NUP188: variants seen among roughly 807,000 people sequenced by gnomAD.
NUP188 encodes nucleoporin NUP188.
Under a neutral mutation model 223.0 loss-of-function variants are expected in NUP188, and 97 were observed. The observed-to-expected ratio is 0.43, with a 90% CI of 0.37 to 0.51. The LOEUF is 0.51. Among genes scored for constraint, NUP188 ranks in the 20% least tolerant of loss-of-function variants. The probability of loss-of-function intolerance (pLI) is 0.00; values close to 1 mark genes in which losing one functional copy is unlikely to be tolerated. For missense variants in NUP188, 1,947 were observed against 2,175.6 expected (o/e 0.89, Z 2.09); for synonymous variants, 869 against 828.0 (o/e 1.05, Z -0.85).
chr9:128,973,156 C>A lies in NUP188; in HGVS notation c.1114-4C>A. 6.2e-7 allele frequency: 1 copy of A among 1,604,104 alleles called. No homozygotes were observed. Among genetic ancestry groups the A allele is most frequent in the Non-Finnish European group, 8.5e-7 (1 of 1,172,330 alleles). On this transcript the variant is annotated splice_region_variant and splice_polypyrimidine_tract_variant and intron_variant, in intron 11 of 43. Transcript: ENST00000372577. ...ATGATTCACTGACTCCTTTGTCATT[C>A]CAGTGCACCACCAGCACTGCATGCA...
Position 128,970,904 on chromosome 9 carries a change from T to G in NUP188, c.1059T>G (p.Asn353Lys), listed in dbSNP as rs371132886. 14 of 1,613,964 alleles carry G rather than the reference T, an allele frequency of 8.7e-6. No homozygotes were observed. Among genetic ancestry groups the G allele is most frequent in the Non-Finnish European group, 1.0e-5 (12 of 1,180,022 alleles). The change falls in exon 11 of 44, where the codon AAT becomes AAG. Residue 353 changes from asparagine to lysine, a missense_variant. By Grantham distance (94) the Asn-to-Lys change is moderately conservative (BLOSUM62 0). Transcript: ENST00000372577. ...TAGGTGGCACAGCCATCCAGCTGAATGTGTTTCAGTACTTGACCCGATTGC... is the reference window on the plus strand; with the variant it reads ...TAGGTGGCACAGCCATCCAGCTGAAGGTGTTTCAGTACTTGACCCGATTGC... ...RKIGGTAIQL[N>K]VFQYLTRLLQ...
At chr9:128,978,581 G>T (rs1213156549) in intron 12 of NUP188, among the ~76,000 whole-genome samples, 2 of 143,124 alleles carry the variant, frequency 1.4e-5, no homozygotes, top group South Asian at 4.4e-4. Context: ...AAAAAAAAAG[G>T]TAAAAAGGAA....
At chr9:128,981,125 G>C (rs1842247788) in intron 14 of NUP188, 139 bp from the exon 15 acceptor site, 1 of 976,116 alleles carries the variant, frequency 1.0e-6, no homozygotes, top group Non-Finnish European at 1.5e-6. Flanking sequence ...TTTGGCGAGG[G>C]GCGCAGAAGG....
chr9:128,964,248 C>A, intron 8 of NUP188: 1 of 372,592 alleles, frequency 2.7e-6, no homozygotes, highest in Non-Finnish European at 5.2e-6. Flanking sequence ...GGATGTTTGT[C>A]TTATCAAATT....
At chr9:128,959,725 A>G (rs373353275) in intron 8 of NUP188, among the ~76,000 whole-genome samples, 9 of 150,062 alleles carry the variant, frequency 6.0e-5, no homozygotes, top group African/African-American at 2.0e-4. Flanking sequence ...GTAGAGATAG[A>G]GATAGGGTTT....
intron 19 of NUP188, 98 bp from the exon 20 acceptor site, chr9:128,984,802 T>C (rs1252183292): frequency 4.1e-5 from 29 of 711,510 alleles, no homozygotes; most frequent in Non-Finnish European, 4.0e-5. Flanking sequence ...CTATTTTATA[T>C]TCAAGTCATC....
At position 129,006,031 on chromosome 9, in the gene NUP188, T is replaced by C. The variant is rs1294257977; in HGVS notation, c.4870-19T>C. Reference sequence around the variant, plus strand: ...AGCTGTTCCTGTTGTCTTAGTTTTTTACCCTTGCTTCTCTTCAGCTGGACA... The same window carrying C: ...AGCTGTTCCTGTTGTCTTAGTTTTTCACCCTTGCTTCTCTTCAGCTGGACA... On this transcript the variant is annotated intron_variant, in intron 41 of 43. Transcript: ENST00000372577. The C allele has an allele frequency of 6.2e-7, 1 of 1,614,082 alleles. No homozygotes were observed.
intron 42 of NUP188, 57 bp downstream of exon 42, chr9:129,006,180 C>T (rs1044240078): frequency 1.5e-5 from 24 of 1,613,944 alleles, no homozygotes; most frequent in East Asian, 6.7e-5. Flanking sequence ...GCCCACTGTT[C>T]TCAAGCTTGG....
At chr9:128,948,540 AAG>A (rs1193963910) in intron 1 of NUP188, 2 of 151,884 alleles carry the variant, frequency 1.3e-5, no homozygotes, top group African/African-American at 2.4e-5. Context: ...CCAAGTGATA[AAG>A]AGAGCCTTCA....
At chr9:128,994,305 C>G (rs1234982678) in intron 27 of NUP188, 68 bp from the exon 28 acceptor site, 1 of 1,062,110 alleles carries the variant, frequency 9.4e-7, no homozygotes, top group African/African-American at 1.6e-5. Context: ...CCAAAGGGAG[C>G]TTGAGAGAGG....
At chr9:128,957,102 G>A (rs763366449) in intron 5 of NUP188, 70 bp downstream of exon 5, 53 of 1,101,838 alleles carry the variant, frequency 4.8e-5, no homozygotes, top group Non-Finnish European at 5.0e-5. Context: ...GATAATGTAG[G>A]ATTTTGGCAC....
intron 36 of NUP188, among the ~76,000 whole-genome samples, 178 bp from the exon 37 acceptor site, chr9:129,002,639 C>T (rs1036930741): frequency 6.6e-6 from 1 of 152,238 alleles, no homozygotes; most frequent in Non-Finnish European, 1.5e-5. Flanking sequence ...CAGCCTGGTG[C>T]TCTTTCCTTG....
intron 16 of NUP188, 44 bp from the exon 17 acceptor site, chr9:128,982,858 A>G: frequency 6.2e-7 from 1 of 1,612,340 alleles, no homozygotes; most frequent in Non-Finnish European, 8.5e-7. Flanking sequence ...AGTGATCTTA[A>G]AGGGGTTGTT....
Position 129,006,322 on chromosome 9 carries a change from A to ACC in NUP188, c.5031_5032dup (p.Arg1678ProfsTer7). The ACC allele has an allele frequency of 6.2e-7, 1 of 1,613,992 alleles. No individual in the cohort carries two copies. Among genetic ancestry groups the ACC allele is most frequent in the Non-Finnish European group, 8.5e-7 (1 of 1,179,978 alleles). On this transcript the variant is annotated frameshift_variant, in exon 43 of 44. Coordinates refer to ENST00000372577, the MANE Select transcript of NUP188 (RefSeq NM_015354.3). LOFTEE classifies it high-confidence loss of function. Reference sequence around the variant, plus strand: ...CGGTACCTTAGGGACCCGGCTGTGCACCCCCGGGACAAACAGCGGATGAAG... The same window carrying ACC: ...CGGTACCTTAGGGACCCGGCTGTGCACCCCCCCGGGACAAACAGCGGATGAAG...
Position 129,006,381 on chromosome 9 carries a change from A to G in NUP188, c.5073+13A>G, listed in dbSNP as rs1842803960. 2 of 1,614,062 alleles carry G rather than the reference A, an allele frequency of 1.2e-6. No homozygotes were observed. The highest frequency in any genetic ancestry group is 1.7e-6 in the Non-Finnish European group (2 of 1,180,038). On this transcript the variant is annotated intron_variant, in intron 43 of 43. Transcript: ENST00000372577. Reference sequence around the variant, plus strand: ...CAGCTCTGAGTTGGTACGGATGGATAGGGATACGGAGGGCTGGACCAATAG... The same window carrying G: ...CAGCTCTGAGTTGGTACGGATGGATGGGGATACGGAGGGCTGGACCAATAG...
chr9:128,949,013 C>T (rs1841736504), intron 1 of NUP188, 176 bp from the exon 2 acceptor site: 1 of 508,216 alleles, frequency 2.0e-6, no homozygotes, highest in Non-Finnish European at 3.6e-6. Context: ...GCATGAGCCA[C>T]CGTGCCCGGC....
chr9:129,006,487 CTT>C lies in NUP188; in HGVS notation c.5074-9_5074-8del, dbSNP rs760350240. 1.2e-6 allele frequency: 2 copies of C among 1,611,914 alleles called. No individual in the cohort carries two copies. The highest frequency in any genetic ancestry group is 1.7e-6 in the Non-Finnish European group (2 of 1,179,136). On this transcript the variant is annotated splice_polypyrimidine_tract_variant and intron_variant, in intron 43 of 43. Coordinates refer to ENST00000372577, the MANE Select transcript of NUP188 (RefSeq NM_015354.3). ...AGATGTGCTGAGCCTCACCAAGCCACTTTTTTTCTTGTAGAGCACGCTGCTGT... is the reference window on the plus strand; with the variant it reads ...AGATGTGCTGAGCCTCACCAAGCCACTTTTTCTTGTAGAGCACGCTGCTGT...
At chr9:128,987,949 C>T in intron 23 of NUP188, 98 bp from the exon 24 acceptor site, 2 of 1,409,384 alleles carry the variant, frequency 1.4e-6, no homozygotes, top group Non-Finnish European at 2.0e-6. Context: ...AGCTGTTGAA[C>T]TCTGGGATTA....
Position 128,990,238 on chromosome 9 carries a change from C to T in NUP188, c.2640+12C>T, listed in dbSNP as rs1445835649. ...AACGTCTGGCCACGGTAGGATCGTA[C>T]TTCATGCACACACACTGTTTATATG... On this transcript the variant is annotated intron_variant, in intron 25 of 43. Transcript: ENST00000372577. 1.3e-6 allele frequency: 2 copies of T among 1,589,026 alleles called. No individual in the cohort carries two copies. Among genetic ancestry groups the T allele is most frequent in the East Asian group, 2.2e-5 (1 of 44,772 alleles).
Sources: allele counts gnomAD v4.1 joint callset (sites outside exome capture counted in the v4.1 genomes callset), GRCh38; gene constraint gnomAD v4.1.1; transcripts MANE v1.5; gene names NCBI Gene and HGNC (gene_info 2026-07-23, HGNC 2026-07-21).